PPM1B: variants seen among roughly 807,000 people sequenced by gnomAD.
The protein encoded by PPM1B is protein phosphatase 1B.
In PPM1B, 22 loss-of-function variants were observed where a neutral mutation model predicts 43.0. The ratio of observed to expected loss-of-function variants is 0.51; its 90% CI spans 0.37 to 0.73. PPM1B has a LOEUF of 0.73. Among genes scored for constraint, PPM1B ranks in the 30% least tolerant of loss-of-function variants. The pLI is 0.00. For missense variants in PPM1B, 632 were observed against 584.2 expected (o/e 1.08, Z -0.84); for synonymous variants, 217 against 197.9 (o/e 1.10, Z -0.81).
chr2:44,232,758 G>T (rs1670504243), downstream of PPM1B: 1 of 989,672 alleles, frequency 1.0e-6, no homozygotes, highest in East Asian at 1.1e-4. Context: ...TGTATGATAT[G>T]TTCCTTTTTT....
At chr2:44,179,838 G>A (rs551160447) in intron 1 of PPM1B, among the ~76,000 whole-genome samples, 1 of 151,886 alleles carries the variant, frequency 6.6e-6, no homozygotes, top group Non-Finnish European at 1.5e-5. Flanking sequence ...GTGAAACTCC[G>A]TCTCTACTAA....
At chr2:44,229,137 A>T (rs1289340009) in intron 5 of PPM1B, among the ~76,000 whole-genome samples, 1 of 151,708 alleles carries the variant, frequency 6.6e-6, no homozygotes, top group African/African-American at 2.4e-5. Flanking sequence ...AGCCGAGAAC[A>T]TGCCATTGCC....
chr2:44,170,454 C>CCTA (rs1367937505), intron 1 of PPM1B, among the ~76,000 whole-genome samples: 3 of 152,188 alleles, frequency 2.0e-5, no homozygotes, highest in Non-Finnish European at 4.4e-5. Context: ...CAAACGTTTA[C>CCTA]AACTACGGTG....
At chr2:44,178,474 A>ATATATTT (rs1445760590) in intron 1 of PPM1B, among the ~76,000 whole-genome samples, 5 of 135,334 alleles carry the variant, frequency 3.7e-5, no homozygotes, top group East Asian at 2.1e-4. Flanking sequence ...ATATATATAT[A>ATATATTT]TTTTTTTTTT....
chr2:44,178,628 C>T (rs1667710578), intron 1 of PPM1B, among the ~76,000 whole-genome samples: 2 of 151,856 alleles, frequency 1.3e-5, no homozygotes, highest in Non-Finnish European at 2.9e-5. Flanking sequence ...GCCACCACAC[C>T]CAGCTAATTT....
chr2:44,196,509 A>G lies in PPM1B; in HGVS notation c.-14-4677A>G, dbSNP rs965308762. Reference sequence around the variant, plus strand: ...TGTCAGATTTCTCCACTGTAGAGTTATTCTCTCCCTCGTTTTCATTTTGTA... The same window carrying G: ...TGTCAGATTTCTCCACTGTAGAGTTGTTCTCTCCCTCGTTTTCATTTTGTA... On this transcript the variant is annotated intron_variant, in intron 1 of 5. Coordinates refer to ENST00000282412, the MANE Select transcript of PPM1B (RefSeq NM_002706.6). Among the ~76,000 whole-genome samples, 7 of 152,140 alleles carry G rather than the reference A, an allele frequency of 4.6e-5. No homozygotes were observed. In the East Asian group the frequency reaches 1.3e-3, roughly 29 times the overall value.
rs761581439 is a variant in PPM1B, at chr2:44,230,492, G to C, written c.1214G>C (p.Gly405Ala). The C allele has an allele frequency of 6.2e-7, 1 of 1,614,008 alleles. No individual in the cohort carries two copies. Among genetic ancestry groups the C allele is most frequent in the Non-Finnish European group, 8.5e-7 (1 of 1,180,022 alleles). Residue 405 changes from glycine to alanine, a missense_variant, in exon 6 of 6, where the codon GGA (glycine) becomes GCA (alanine). Gly to Ala is a moderately conservative substitution (Grantham distance 60). Around this residue, in one of 3 missense-constraint regions of PPM1B, gnomAD observed 392 missense variants for 302.7 expected, o/e 1.29. Transcript: ENST00000282412. ...AGGCAAATGAGAATTAATCATAGGG[G>C]AAACTACCGACAACTTCTGGAGGAG... The part of the protein sequence containing the change: ...ALRQMRINHR[G>A]NYRQLLEEML...
At position 44,170,476 on chromosome 2, in the gene PPM1B, A is replaced by G. The variant is rs147721007; in HGVS notation, c.-15+1202A>G. Among the ~76,000 whole-genome samples, 1,357 of 152,334 alleles carry G rather than the reference A, an allele frequency of 8.9e-3. 21 individuals are homozygous for G. Among genetic ancestry groups the G allele is most frequent in the South Asian group, 0.082 (395 of 4,832 alleles). On this transcript the variant is annotated intron_variant, in intron 1 of 5. Transcript: ENST00000282412. ...TTACAACTACGGTGATGTGAGAATT[A>G]CTGAGGCTTACTGTGGGATTAACAC... is the stretch of plus-strand genomic sequence containing the variant.
chr2:44,217,487 T>C (rs1010347982), intron 3 of PPM1B, among the ~76,000 whole-genome samples: 1 of 152,200 alleles, frequency 6.6e-6, no homozygotes. Context: ...CTTTTTCTTA[T>C]AATTCTTATC....
rs899014777 is a variant in PPM1B at position 44,231,336 on chromosome 2, A to T, written c.*618A>T. On this transcript the variant is annotated 3_prime_UTR_variant, in exon 6 of 6. Transcript: ENST00000282412. ...ATGAAACATAACTTTTGAAAAACCT[A>T]TGTATTATTCATACAGCTTTGGTTT... The T allele has an allele frequency of 5.1e-6, 5 of 979,392 alleles. No homozygotes were observed. Among genetic ancestry groups the T allele is most frequent in the Non-Finnish European group, 6.1e-6 (5 of 824,486 alleles). The allele number at this position is 979,392 out of a possible 1,614,324, so 60.7% of individuals were successfully genotyped here. A position where few individuals can be genotyped will look rare whatever the true frequency, so the allele number is the denominator to read the frequency against.
Position 44,211,080 on chromosome 2 carries a change from G to A in PPM1B, c.964+1753G>A, listed in dbSNP as rs144861277. ...GAACCTGGAAGGTGGAGATTGCAGT[G>A]AGCCGAGATCATGCCACTGTACTCT... On this transcript the variant is annotated intron_variant, in intron 3 of 5. Coordinates refer to ENST00000282412, the MANE Select transcript of PPM1B (RefSeq NM_002706.6). Among the ~76,000 whole-genome samples, 3 of 152,228 alleles carry A rather than the reference G, an allele frequency of 2.0e-5. No homozygotes were observed. In the East Asian group the frequency reaches 5.8e-4, roughly 29 times the overall value.
chr2:44,223,941 A>G (rs1397578859), intron 5 of PPM1B, among the ~76,000 whole-genome samples: 1 of 151,962 alleles, frequency 6.6e-6, no homozygotes, highest in Non-Finnish European at 1.5e-5. Context: ...GACCATTCAA[A>G]TGACACTGTC....
intron 3 of PPM1B, among the ~76,000 whole-genome samples, chr2:44,212,932 G>C (rs1669546727): frequency 6.7e-6 from 1 of 149,904 alleles, no homozygotes; most frequent in African/African-American, 2.5e-5. Context: ...AGAATGGTGT[G>C]AACCTGGGAG....
At chr2:44,227,160 A>G (rs1670256535) in intron 5 of PPM1B, among the ~76,000 whole-genome samples, 1 of 151,934 alleles carries the variant, frequency 6.6e-6, no homozygotes, top group South Asian at 2.1e-4. Flanking sequence ...TGTTTTGTAG[A>G]GACGGGGTCT....
intron 3 of PPM1B, among the ~76,000 whole-genome samples, chr2:44,212,301 T>C (rs1306935387): frequency 2.6e-5 from 4 of 152,184 alleles, no homozygotes; most frequent in African/African-American, 9.7e-5. Flanking sequence ...GAAAGAAACC[T>C]GTCCTCTACT....
chr2:44,179,734 C>A (rs1310302178), intron 1 of PPM1B, among the ~76,000 whole-genome samples: 1 of 152,140 alleles, frequency 6.6e-6, no homozygotes, highest in Non-Finnish European at 1.5e-5. Flanking sequence ...CCTGGCCGGG[C>A]ATGGTGGCTC....
At chr2:44,188,181 C>T (rs774178250) in intron 1 of PPM1B, among the ~76,000 whole-genome samples, 9 of 152,160 alleles carry the variant, frequency 5.9e-5, no homozygotes, top group Non-Finnish European at 1.0e-4. Flanking sequence ...TGGATTGAGG[C>T]AGTCATGTTT....
downstream of PPM1B, chr2:44,233,581 C>G (rs1482751862): frequency 8.1e-6 from 8 of 985,718 alleles, no homozygotes; most frequent in South Asian, 3.8e-4. Context: ...AAACATTTTC[C>G]TGTATGTTTA....
intron 1 of PPM1B, among the ~76,000 whole-genome samples, chr2:44,183,025 A>G (rs1423127871): frequency 6.6e-6 from 1 of 152,172 alleles, no homozygotes; most frequent in Admixed American, 6.5e-5. Flanking sequence ...TTTAGCTGTT[A>G]CTAGATTATC....
Sources: gnomAD v4.1 joint callset for allele counts (sites outside exome capture counted in the v4.1 genomes callset) on GRCh38, gnomAD v4.1.1 for gene constraint, gnomAD v4.1.1 regional missense constraint, MANE v1.5 for transcripts, NCBI Gene and HGNC (gene_info 2026-07-23, HGNC 2026-07-21) for gene names.